Variants in PACS1 observed in about 807,000 individuals in gnomAD.
The protein encoded by PACS1 is PACS-1.
A neutral mutation model predicts 115.0 loss-of-function variants in PACS1; 24 were observed. That is an observed-to-expected ratio of 0.21 (90% CI 0.15 to 0.29). PACS1 has a LOEUF of 0.29. PACS1 is among the 10% of genes least tolerant of loss of function. The pLI is 1.00. For synonymous variants in PACS1, 453 were observed against 504.5 expected (o/e 0.90, Z 1.37); for missense variants, 838 against 1,251.2 (o/e 0.67, Z 4.98).
At chr11:66,152,458 T>C (rs1287286435) in intron 1 of PACS1, among the ~76,000 whole-genome samples, 2 of 152,254 alleles carry the variant, frequency 1.3e-5, no homozygotes, top group East Asian at 3.9e-4. Flanking sequence ...CAAAAAACAA[T>C]ATTTGAAGAA....
intron 1 of PACS1, among the ~76,000 whole-genome samples, chr11:66,163,576 A>G (rs1859536846): frequency 6.6e-6 from 1 of 152,278 alleles, no homozygotes; most frequent in Non-Finnish European, 1.5e-5. Flanking sequence ...GCTCATTCAT[A>G]TCCCAGAATT....
chr11:66,199,105 G>T (rs1854714919), intron 2 of PACS1, among the ~76,000 whole-genome samples: 2 of 152,236 alleles, frequency 1.3e-5, no homozygotes, highest in South Asian at 4.2e-4. Flanking sequence ...CATGAGGTCA[G>T]GAGATCGAGA....
intron 1 of PACS1, among the ~76,000 whole-genome samples, chr11:66,073,731 GT>G (rs1857350744): frequency 6.6e-6 from 1 of 151,934 alleles, no homozygotes; most frequent in Non-Finnish European, 1.5e-5. Context: ...AAATTGTTCT[GT>G]TGATCACATT....
At chr11:66,128,067 T>C (rs980345106) in intron 1 of PACS1, among the ~76,000 whole-genome samples, 3 of 151,776 alleles carry the variant, frequency 2.0e-5, no homozygotes, top group African/African-American at 7.3e-5. Context: ...AACAAATAAA[T>C]CATAAGGGGA....
At chr11:66,143,993 T>C (rs1414210359) in intron 1 of PACS1, among the ~76,000 whole-genome samples, 8 of 152,208 alleles carry the variant, frequency 5.3e-5, no homozygotes, top group Admixed American at 2.0e-4. Context: ...TTAAGTAATA[T>C]TGGAATTAAC....
At chr11:66,217,523 GAC>G (rs754151359) in intron 7 of PACS1, 1 of 456,072 alleles carries the variant, frequency 2.2e-6, no homozygotes, top group South Asian at 1.5e-5. Context: ...CTAGCCTAGG[GAC>G]CAAACCCCTG....
At chr11:66,222,726 G>A (rs1179844356) in intron 10 of PACS1, among the ~76,000 whole-genome samples, 2 of 152,164 alleles carry the variant, frequency 1.3e-5, no homozygotes, top group Non-Finnish European at 2.9e-5. Flanking sequence ...TAATTGTGCG[G>A]AGATGATAGG....
chr11:66,197,316 G>A (rs1287026377), intron 2 of PACS1, among the ~76,000 whole-genome samples: 4 of 151,826 alleles, frequency 2.6e-5, no homozygotes, highest in South Asian at 2.1e-4. Context: ...AATTAAATTC[G>A]ACTTCAGATT....
chr11:66,217,398 A>T (rs998839522), intron 7 of PACS1: 5 of 346,454 alleles, frequency 1.4e-5, no homozygotes, highest in Admixed American at 3.9e-5. Flanking sequence ...GGTCTTTGAC[A>T]GATTCTGGAG....
rs913663496 is a variant in PACS1, at chr11:66,090,063, C to T, written c.356+19221C>T. 8.8e-5 allele frequency among the ~76,000 whole-genome samples: 13 copies of T among 147,748 alleles called. 1 individual carries two copies. Among genetic ancestry groups the T allele is most frequent in the African/African-American group, 3.0e-4 (12 of 40,322 alleles). On this transcript the variant is annotated intron_variant, in intron 1 of 23. Coordinates refer to ENST00000320580, the MANE Select transcript of PACS1 (RefSeq NM_018026.4). ...GTATAAATTCAAGTATTTGTTAACT[C>T]TTCTTTGCCGGGACTGTGGGCATAA...
At chr11:66,091,327 G>A (rs1857656073) in intron 1 of PACS1, among the ~76,000 whole-genome samples, 1 of 151,942 alleles carries the variant, frequency 6.6e-6, no homozygotes. Context: ...TTTTAGTGGA[G>A]ACGAGGTTTC....
At chr11:66,234,397 G>A (rs1590839998) in intron 17 of PACS1, among the ~76,000 whole-genome samples, 155 bp downstream of exon 17, 1 of 152,198 alleles carries the variant, frequency 6.6e-6, no homozygotes. Flanking sequence ...TGTTTATTAA[G>A]CGGAGGCTCA....
At chr11:66,123,241 G>C (rs1858486921) in intron 1 of PACS1, among the ~76,000 whole-genome samples, 1 of 149,168 alleles carries the variant, frequency 6.7e-6, no homozygotes, top group Non-Finnish European at 1.5e-5. Flanking sequence ...GCCCGGGCTA[G>C]AGTGCAGTAG....
chr11:66,070,637 GC>G lies in PACS1; in HGVS notation c.154del (p.Gln52ArgfsTer50). ...GCAGCAGCCGACGCCCCCCAAGCTG[GC>G]CCAGGCCACCTCGTCGTCCTCGTCC... is the stretch of plus-strand genomic sequence containing the variant. ...PPQQPTPPKLAQATSSSSSTS... is the reference protein window; with the variant it reads ...PPQQPTPPKLXQATSSSSSTS... On this transcript the variant is annotated frameshift_variant, in exon 1 of 24. Coordinates refer to ENST00000320580, the MANE Select transcript of PACS1 (RefSeq NM_018026.4). LOFTEE classifies it high-confidence loss of function. The surrounding 1 kb of genome is among the most constrained non-coding windows in gnomAD (Gnocchi z 5.9). 1 of 1,556,006 alleles carries G rather than the reference GC, an allele frequency of 6.4e-7. No individual in the cohort carries two copies. Among genetic ancestry groups the G allele is most frequent in the Non-Finnish European group, 8.6e-7 (1 of 1,158,202 alleles).
At chr11:66,185,416 T>C (rs1860104276) in intron 1 of PACS1, among the ~76,000 whole-genome samples, 1 of 152,204 alleles carries the variant, frequency 6.6e-6, no homozygotes, top group Non-Finnish European at 1.5e-5. Flanking sequence ...TTCCAGCACA[T>C]TGAGCCCTGT....
At chr11:66,192,609 C>T (rs755121355) in intron 1 of PACS1, among the ~76,000 whole-genome samples, 2 of 152,238 alleles carry the variant, frequency 1.3e-5, no homozygotes, top group Non-Finnish European at 2.9e-5. Flanking sequence ...CAGCCGGATT[C>T]TCTGGACTTG....
intron 1 of PACS1, among the ~76,000 whole-genome samples, chr11:66,123,722 C>T (rs941353344): frequency 1.3e-5 from 2 of 151,348 alleles, no homozygotes; most frequent in Admixed American, 6.6e-5. Flanking sequence ...GGGGTTTCAC[C>T]GTGTTAGCCA....
intron 1 of PACS1, among the ~76,000 whole-genome samples, chr11:66,136,348 CA>C (rs1312749518): frequency 6.6e-6 from 1 of 151,684 alleles, no homozygotes; most frequent in African/African-American, 2.4e-5. Context: ...CACACACACA[CA>C]CACACCAAAA....
At position 66,070,502 on chromosome 11, in the gene PACS1, G is replaced by A; in HGVS notation, c.16G>A (p.Gly6Arg). Residue 6 changes from glycine to arginine, a missense_variant, in exon 1 of 24, where the codon GGG becomes AGG. By Grantham distance (125) the Gly-to-Arg change is moderately radical. Transcript: ENST00000320580. The surrounding 1 kb of genome is among the most constrained non-coding windows in gnomAD (Gnocchi z 5.9). MAERG[G>R]AGGGPGGAGG... ...TAGCCGGGCCATGGCGGAACGCGGA[G>A]GGGCGGGCGGTGGTCCCGGAGGCGC... 5.4e-6 allele frequency: 7 copies of A among 1,294,354 alleles called. No individual in the cohort carries two copies. Among genetic ancestry groups the A allele is most frequent in the Non-Finnish European group, 6.8e-6 (7 of 1,028,232 alleles). 80.2% of individuals were successfully genotyped at this position (1,294,354 alleles called of 1,614,324 possible).
Sources: allele counts gnomAD v4.1 joint callset (sites outside exome capture counted in the v4.1 genomes callset), GRCh38; gene constraint gnomAD v4.1.1; non-coding constraint Gnocchi (gnomAD v3.1); transcripts MANE v1.5; gene names NCBI Gene and HGNC (gene_info 2026-07-23, HGNC 2026-07-21).